Variants in PPP2R3B observed in about 807,000 individuals in gnomAD.
PPP2R3B encodes the protein serine/threonine-protein phosphatase 2A regulatory subunit B'' subunit beta.
In PPP2R3B, 68 loss-of-function variants were observed where a neutral mutation model predicts 72.9. The observed-to-expected ratio is 0.93, with a 90% CI of 0.77 to 1.14. PPP2R3B has a LOEUF of 1.14. Among genes scored for constraint, PPP2R3B ranks in the 50% most tolerant of loss-of-function variants. PPP2R3B has a pLI of 0.00. For missense variants in PPP2R3B, 1,018 were observed against 842.0 expected (o/e 1.21, Z -2.59); for synonymous variants, 466 against 375.8 (o/e 1.24, Z -2.78).
Position 347,396 on chromosome X carries a change from A to C in PPP2R3B, c.615-60T>G, listed in dbSNP as rs1352857711. 3 of 1,493,224 alleles carry C rather than the reference A, an allele frequency of 2.0e-6. No individual in the cohort carries two copies. The African/African-American group carries it at 4.1e-5, about 21-fold the overall frequency. 92.5% of individuals were successfully genotyped at this position (1,493,224 alleles called of 1,614,324 possible). Reference sequence around the variant, plus strand: ...AGGGGGGTGGCTTTCGACCCCGCAGACGCAGGGTGGAACACGTGTGTGGTG... The same window carrying C: ...AGGGGGGTGGCTTTCGACCCCGCAGCCGCAGGGTGGAACACGTGTGTGGTG... On this transcript the variant is annotated intron_variant, in intron 3 of 12. Coordinates refer to ENST00000390665, the MANE Select transcript of PPP2R3B (RefSeq NM_013239.5).
In PPP2R3B at chrX:354,104, G is replaced by A. The variant is rs1315631431; in HGVS notation, c.511-6411C>T. On this transcript the variant is annotated intron_variant, in intron 2 of 12. Transcript: ENST00000390665. ...GGGCTCACCCAGGGACCAGGGGCTC[G>A]CCCAAACACAGGGGGCTCACCCAAA... Among the ~76,000 whole-genome samples the A allele has an allele frequency of 8.1e-4, 77 of 94,888 alleles. 2 individuals are homozygous for A. Among genetic ancestry groups the A allele is most frequent in the African/African-American group, 2.7e-3 (62 of 23,072 alleles). 62.3% of individuals were successfully genotyped at this position (94,888 alleles called of 152,430 possible). A position where few individuals can be genotyped will look rare whatever the true frequency, so the allele number is the denominator to read the frequency against.
chrX:353,910 C>CCGGGG (rs1235172977), intron 2 of PPP2R3B, among the ~76,000 whole-genome samples: 1 of 129,334 alleles, frequency 7.7e-6, no homozygotes, highest in African/African-American at 3.1e-5. Context: ...CACCCAAAGA[C>CCGGGG]TGGGGCTCGC....
Position 340,949 on chromosome X carries a change from C to A in PPP2R3B, c.1176-9G>T. 5 of 1,608,392 alleles carry A rather than the reference C, an allele frequency of 3.1e-6. No homozygotes were observed. The highest frequency in any genetic ancestry group is 4.2e-6 in the Non-Finnish European group (5 of 1,177,564). On this transcript the variant is annotated splice_polypyrimidine_tract_variant and intron_variant, in intron 9 of 12. Coordinates refer to ENST00000390665, the MANE Select transcript of PPP2R3B (RefSeq NM_013239.5). ...GGAACCAGTACTCGATGCTGCGGCA[C>A]GGCGAGCTCTGTCAGCCCCTGCCCT...
At chrX:382,704 A>G (rs2072152959) in intron 1 of PPP2R3B, among the ~76,000 whole-genome samples, 1 of 152,028 alleles carries the variant, frequency 6.6e-6, no homozygotes, top group Non-Finnish European at 1.5e-5. Context: ...CATGCACCCA[A>G]ATGGCCTCGT....
chrX:378,032 C>T (rs1226096864), intron 1 of PPP2R3B, among the ~76,000 whole-genome samples: 1 of 152,078 alleles, frequency 6.6e-6, no homozygotes, highest in East Asian at 1.9e-4. Flanking sequence ...GCCGTCCACA[C>T]TTGACAGGAC....
Position 338,857 on chromosome X carries a change from G to A in PPP2R3B, c.1391C>T (p.Ala464Val), listed in dbSNP as rs754856037. 2 of 1,612,340 alleles carry A rather than the reference G, an allele frequency of 1.2e-6. No individual in the cohort carries two copies. Among genetic ancestry groups the A allele is most frequent in the African/African-American group, 2.7e-5 (2 of 74,938 alleles). ...TLQDLKRCKL[A>V]NVFFDTFFNI... ...GAAGAAGGTGTCGAAGAAGACGTTAGCCAGCTTGCAGCGCTTCAGGTCCTG... is the reference window on the plus strand; with the variant it reads ...GAAGAAGGTGTCGAAGAAGACGTTAACCAGCTTGCAGCGCTTCAGGTCCTG... Residue 464 changes from alanine to valine, a missense_variant, in exon 11 of 13, where the codon GCT becomes GTT. Physicochemically the swap from Ala to Val is moderately conservative, Grantham distance 64. Coordinates refer to ENST00000390665, the MANE Select transcript of PPP2R3B (RefSeq NM_013239.5).
At chrX:372,644 G>A (rs2071891229) in intron 1 of PPP2R3B, among the ~76,000 whole-genome samples, 1 of 152,174 alleles carries the variant, frequency 6.6e-6, no homozygotes, top group African/African-American at 2.4e-5. Flanking sequence ...ACTTCCCTGA[G>A]CACTTATGAG....
Position 385,601 on chromosome X carries a change from T to A in PPP2R3B, c.324+767A>T, listed in dbSNP as rs776273445. On this transcript the variant is annotated intron_variant, in intron 1 of 12. Coordinates refer to ENST00000390665, the MANE Select transcript of PPP2R3B (RefSeq NM_013239.5). ...GAATTCCAGAGCACTCTAGGTAACA[T>A]AGCAAGACCTCGTCTCTGCAAAAAT... 6.6e-5 allele frequency among the ~76,000 whole-genome samples: 10 copies of A among 152,076 alleles called. No individual in the cohort carries two copies. The South Asian group carries it at 2.1e-3, about 32-fold the overall frequency.
chrX:337,536 A>G (rs1286371395), intron 12 of PPP2R3B: 1 of 152,318 alleles, frequency 6.6e-6, no homozygotes, highest in African/African-American at 2.4e-5. Context: ...TGGGGGCCAC[A>G]GTCCACGTGG....
chrX:340,738 C>A, intron 10 of PPP2R3B, 27 bp downstream of exon 10: 1 of 1,608,354 alleles, frequency 6.2e-7, no homozygotes, highest in Non-Finnish European at 8.5e-7. Context: ...TCCCCTCACC[C>A]TGGGCCATGC....
chrX:361,820 G>A (rs915216698), intron 1 of PPP2R3B, among the ~76,000 whole-genome samples: 2 of 152,170 alleles, frequency 1.3e-5, no homozygotes, highest in South Asian at 2.1e-4. Flanking sequence ...TCTGGGTGGC[G>A]GCTCTGCGCC....
At chrX:379,951 A>C (rs1055974813) in intron 1 of PPP2R3B, among the ~76,000 whole-genome samples, 1 of 152,196 alleles carries the variant, frequency 6.6e-6, no homozygotes, top group Non-Finnish European at 1.5e-5. Context: ...GGATGGAAAT[A>C]ATAATAAAAC....
rs1318375816 is a variant in PPP2R3B at position 347,671 on chromosome X, C to T, written c.533G>A (p.Trp178Ter). ...VAKACGCPLY[W>*]KGPLFYGAGG... ...GGCGCCATAGAAGAGCGGCCCCTTCCAGTAGAGGGGGCAGCCGCAGGCCTG... is the reference window on the plus strand; with the variant it reads ...GGCGCCATAGAAGAGCGGCCCCTTCTAGTAGAGGGGGCAGCCGCAGGCCTG... Residue 178 changes from tryptophan (W) to a stop codon, truncating the protein, a stop_gained, in exon 3 of 13, where the codon TGG becomes TAG. Coordinates refer to ENST00000390665, the MANE Select transcript of PPP2R3B (RefSeq NM_013239.5). LOFTEE classifies it high-confidence loss of function. 2 of 1,551,980 alleles carry T rather than the reference C, an allele frequency of 1.3e-6. No individual in the cohort carries two copies. The highest frequency in any genetic ancestry group is 1.4e-5 in the African/African-American group (1 of 73,034).
At chrX:340,558 T>G (rs867687537) in intron 10 of PPP2R3B, among the ~76,000 whole-genome samples, 10 of 69,812 alleles carry the variant, frequency 1.4e-4, no homozygotes, top group African/African-American at 7.0e-4. Context: ...CCGTCCCCCC[T>G]CCCGTCCGTC....
Position 334,253 on chromosome X carries a change from GTT to G in PPP2R3B, c.*112_*113del, listed in dbSNP as rs2070822922. On this transcript the variant is annotated 3_prime_UTR_variant, in exon 13 of 13. Coordinates refer to ENST00000390665, the MANE Select transcript of PPP2R3B (RefSeq NM_013239.5). ...AACACGCTTCTGTGAATAAATAAAA[GTT>G]TATCATTCCGTACAAACGCACTCAT... 4.1e-6 allele frequency: 5 copies of G among 1,219,102 alleles called. No individual in the cohort carries two copies. The highest frequency in any genetic ancestry group is 7.3e-5 in the Admixed American group (2 of 27,524). 75.5% of individuals were successfully genotyped at this position (1,219,102 alleles called of 1,614,324 possible).
chrX:370,049 C>T (rs1446718323), intron 1 of PPP2R3B, among the ~76,000 whole-genome samples: 2 of 152,150 alleles, frequency 1.3e-5, no homozygotes, highest in Admixed American at 6.5e-5. Context: ...CACTTGACTC[C>T]CAGGGACCCT....
chrX:377,693 G>A (rs1437334945), intron 1 of PPP2R3B, among the ~76,000 whole-genome samples: 1 of 143,114 alleles, frequency 7.0e-6, no homozygotes, highest in Non-Finnish European at 1.5e-5. Context: ...CCATGGGGCT[G>A]TCTATACACT....
chrX:334,241 GAAT>G lies in PPP2R3B; in HGVS notation c.*123_*125del. 8.6e-7 allele frequency: 1 copy of G among 1,157,748 alleles called. No homozygotes were observed. The highest frequency in any genetic ancestry group is 1.1e-6 in the Non-Finnish European group (1 of 882,286). 71.7% of individuals were successfully genotyped at this position (1,157,748 alleles called of 1,614,324 possible). A position where few individuals can be genotyped will look rare whatever the true frequency, so the allele number is the denominator to read the frequency against. Reference sequence around the variant, plus strand: ...ACAGCGGCAATCAACACGCTTCTGTGAATAAATAAAAGTTTATCATTCCGTACA... The same window carrying G: ...ACAGCGGCAATCAACACGCTTCTGTGAAATAAAAGTTTATCATTCCGTACA... On this transcript the variant is annotated 3_prime_UTR_variant, in exon 13 of 13. Transcript: ENST00000390665.
At chrX:372,509 C>T (rs137956852) in intron 1 of PPP2R3B, among the ~76,000 whole-genome samples, 2 of 152,302 alleles carry the variant, frequency 1.3e-5, no homozygotes, top group East Asian at 1.9e-4. Flanking sequence ...CAGATTCGGC[C>T]GCAGCCAAAC....
Sources: gnomAD v4.1 joint callset for allele counts (sites outside exome capture counted in the v4.1 genomes callset) on GRCh38, gnomAD v4.1.1 for gene constraint, MANE v1.5 for transcripts, NCBI Gene and HGNC (gene_info 2026-07-23, HGNC 2026-07-21) for gene names.